Variants in PHYKPL observed in about 807,000 individuals in gnomAD.
PHYKPL encodes 5-phosphonooxy-L-lysine phospho-lyase.
PHYKPL carries 42 observed loss-of-function variants against 51.3 expected under a neutral mutation model. The ratio of observed to expected loss-of-function variants is 0.82; its 90% CI spans 0.64 to 1.06. The LOEUF (loss-of-function observed/expected upper bound fraction) is 1.06, where lower values mean the gene tolerates loss of function less well. Among genes scored for constraint, PHYKPL ranks in the 50% least tolerant of loss-of-function variants. The pLI, the probability that PHYKPL is intolerant of heterozygous loss-of-function variation, is 0.00. For missense variants in PHYKPL, 655 were observed against 586.6 expected, an observed-to-expected ratio of 1.12 and a Z score of -1.20; for synonymous variants, 264 against 236.0, an observed-to-expected ratio of 1.12 and a Z score of -1.09.
At chr5:178,210,335 G>T in intron 12 of PHYKPL, 2 of 1,606,678 alleles carry the variant, frequency 1.2e-6, no homozygotes, top group Non-Finnish European at 8.5e-7. Flanking sequence ...GCAGGACAGT[G>T]TAGGAGCCAC....
intron 8 of PHYKPL, among the ~76,000 whole-genome samples, chr5:178,220,788 G>A (rs1273200620): frequency 6.6e-6 from 1 of 151,236 alleles, no homozygotes; most frequent in Non-Finnish European, 1.5e-5. Flanking sequence ...ATGGATGACT[G>A]AACTGTGGTA....
intron 1 of PHYKPL, 90 bp downstream of exon 1, chr5:178,232,402 C>T: frequency 1.5e-6 from 2 of 1,336,774 alleles, no homozygotes; most frequent in South Asian, 1.9e-5. Flanking sequence ...GCCGGAGGCG[C>T]GTGCGTAGTG....
In PHYKPL at chr5:178,230,017, G is replaced by T. The variant is rs202110949; in HGVS notation, c.261C>A (p.Asp87Glu). ...VLNTNSRYLH[D>E]NIVDYAQRLS... ...GCCTCTGCGCATAGTCCACGATGTT[G>T]TCATGCAGGTACCGGCTGTTGGTGT... is the stretch of plus-strand genomic sequence containing the variant. The change falls in exon 3 of 13, where the codon GAC becomes GAA. Residue 87 changes from aspartate (D) to glutamate (E), a missense_variant. Physicochemically the swap from Asp to Glu is conservative, Grantham distance 45. Coordinates refer to ENST00000308158, the MANE Select transcript of PHYKPL (RefSeq NM_153373.4). 1.4e-5 allele frequency: 22 copies of T among 1,614,248 alleles called. No homozygotes were observed. In the East Asian group the frequency reaches 4.7e-4, roughly 34 times the overall value.
intron 4 of PHYKPL, 64 bp from the exon 5 acceptor site, chr5:178,224,793 CCAT>C: frequency 7.8e-7 from 1 of 1,288,686 alleles, no homozygotes; most frequent in Non-Finnish European, 1.1e-6. Context: ...CCCAGTCTGA[CCAT>C]CGTCTCCCCA....
intron 1 of PHYKPL, 192 bp from the exon 2 acceptor site, chr5:178,231,715 G>C (rs1208174969): frequency 1.3e-6 from 2 of 1,543,730 alleles, no homozygotes; most frequent in Non-Finnish European, 1.8e-6. Context: ...AAGCAGATGG[G>C]GTAACAAGTC....
chr5:178,226,708 G>A (rs1024749685), intron 3 of PHYKPL: 14 of 152,104 alleles, frequency 9.2e-5, no homozygotes, highest in African/African-American at 3.4e-4. Flanking sequence ...TCTGGAATGA[G>A]TTTTATGACC....
In PHYKPL at chr5:178,222,547, T is replaced by C. The variant is rs1214678042; in HGVS notation, c.735A>G (p.Ala245=). The change falls in exon 8 of 13, where the codon GCA becomes GCG. Residue 245 remains alanine (A), a synonymous_variant. Transcript: ENST00000308158. ...GGCCAAAGCCAACCTGGATCTCATCTGCAACAAAGACCCCTCCGGCCTTGC... is the reference window on the plus strand; with the variant it reads ...GGCCAAAGCCAACCTGGATCTCATCCGCAACAAAGACCCCTCCGGCCTTGC... ...HIRKAGGVFV[A]DEIQVGFGRV... is the part of the protein sequence containing the mutation. 2 of 1,614,252 alleles carry C rather than the reference T, an allele frequency of 1.2e-6. No individual in the cohort carries two copies. The highest frequency in any genetic ancestry group is 2.2e-5 in the South Asian group (2 of 91,090).
Position 178,211,920 on chromosome 5 carries a change from CTTAGGGCTGGA to C in PHYKPL, c.1343_1353del (p.Leu448ArgfsTer7), listed in dbSNP as rs756527996. The C allele has an allele frequency of 2.7e-4, 431 of 1,614,172 alleles. No individual in the cohort carries two copies. The highest frequency in any genetic ancestry group is 3.3e-4 in the Non-Finnish European group (393 of 1,180,002). ...GTACACTTAGGCAGAGCAGGGCTGGCTTAGGGCTGGAGCCTCAGCGTTTCACAACTTCTCAC... is the reference window on the plus strand; with the variant it reads ...GTACACTTAGGCAGAGCAGGGCTGGCGCCTCAGCGTTTCACAACTTCTCAC... On this transcript the variant is annotated frameshift_variant and stop_lost, in exon 12 of 13. Transcript: ENST00000308158. LOFTEE classifies it high-confidence loss of function.
At chr5:178,215,216 A>C (rs1759518227) in intron 9 of PHYKPL, 60 bp downstream of exon 9, 22 of 1,608,754 alleles carry the variant, frequency 1.4e-5, no homozygotes, top group Non-Finnish European at 1.9e-5. Context: ...GGAGGTGAAG[A>C]AAATGGTACC....
At position 178,232,606 on chromosome 5, in the gene PHYKPL, C is replaced by A; in HGVS notation, c.-56G>T. 8.0e-7 allele frequency: 1 copy of A among 1,248,434 alleles called. No individual in the cohort carries two copies. The highest frequency in any genetic ancestry group is 3.3e-5 in the South Asian group (1 of 30,356). 77.3% of individuals were successfully genotyped at this position (1,248,434 alleles called of 1,614,324 possible). A position where few individuals can be genotyped will look rare whatever the true frequency, so the allele number is the denominator to read the frequency against. On this transcript the variant is annotated 5_prime_UTR_variant, in exon 1 of 13. Transcript: ENST00000308158. Reference sequence around the variant, plus strand: ...CCACGCGGAGACGTCGCCGCGCGGGCTGGGCCTCCAAGGCCCCGCTCCGGG... The same window carrying A: ...CCACGCGGAGACGTCGCCGCGCGGGATGGGCCTCCAAGGCCCCGCTCCGGG...
chr5:178,210,329 G>T, intron 12 of PHYKPL: 1 of 1,610,860 alleles, frequency 6.2e-7, no homozygotes, highest in Non-Finnish European at 8.5e-7. Context: ...GGGGAGGCAG[G>T]ACAGTGTAGG....
intron 3 of PHYKPL, chr5:178,228,730 C>A: frequency 7.6e-6 from 5 of 657,782 alleles, no homozygotes; most frequent in African/African-American, 1.8e-5. Flanking sequence ...CTCCCAGATA[C>A]ACTGTAATCG....
chr5:178,209,824 C>G (rs908087728), intron 12 of PHYKPL, among the ~76,000 whole-genome samples: 10 of 152,136 alleles, frequency 6.6e-5, no homozygotes, highest in Non-Finnish European at 1.3e-4. Flanking sequence ...CCTCTGACTC[C>G]AAAGCCTGAA....
Position 178,232,604 on chromosome 5 carries a change from G to T in PHYKPL, c.-54C>A, listed in dbSNP as rs1287949325. On this transcript the variant is annotated 5_prime_UTR_variant, in exon 1 of 13. Transcript: ENST00000308158. ...CGCCACGCGGAGACGTCGCCGCGCG[G>T]GCTGGGCCTCCAAGGCCCCGCTCCG... 8 of 1,248,518 alleles carry T rather than the reference G, an allele frequency of 6.4e-6. No individual in the cohort carries two copies. The highest frequency in any genetic ancestry group is 1.6e-5 in the African/African-American group (1 of 64,326). The allele number at this position is 1,248,518 out of a possible 1,614,324, so 77.3% of individuals were successfully genotyped here.
At chr5:178,220,623 C>G (rs1760969136) in intron 8 of PHYKPL, among the ~76,000 whole-genome samples, 1 of 151,688 alleles carries the variant, frequency 6.6e-6, no homozygotes, top group Admixed American at 6.6e-5. Flanking sequence ...CCATATGGGC[C>G]AGCAATTCCA....
chr5:178,224,355 T>C (rs1200611684), intron 6 of PHYKPL, 93 bp downstream of exon 6: 14 of 1,351,164 alleles, frequency 1.0e-5, no homozygotes, highest in East Asian at 2.4e-5. Context: ...TCGTTTGGTT[T>C]TCTCTCTGGG....
At chr5:178,230,344 T>C (rs1763132286) in intron 2 of PHYKPL, 1 of 503,456 alleles carries the variant, frequency 2.0e-6, no homozygotes, top group Non-Finnish European at 3.6e-6. Flanking sequence ...AGAAAGCCCA[T>C]GTCTTTAAGG....
intron 12 of PHYKPL, chr5:178,210,435 TGAG>T: frequency 6.6e-7 from 1 of 1,511,852 alleles, no homozygotes; most frequent in Non-Finnish European, 9.1e-7. Context: ...CTTAATAACA[TGAG>T]GAAGGCAGTC....
chr5:178,210,629 C>G (rs1433900238), intron 12 of PHYKPL: 1 of 1,611,320 alleles, frequency 6.2e-7, no homozygotes. Flanking sequence ...ACTGAGGCGG[C>G]AGCAGGAGCG....
Sources: gnomAD v4.1 joint callset for allele counts (sites outside exome capture counted in the v4.1 genomes callset) on GRCh38, gnomAD v4.1.1 for gene constraint, MANE v1.5 for transcripts, NCBI Gene and HGNC (gene_info 2026-07-23, HGNC 2026-07-21) for gene names.